The following TUBB1 variants were observed in gnomAD, a reference collection of about 807,000 sequenced individuals.
TUBB1 encodes the protein tubulin beta-1 chain.
In TUBB1, 28 loss-of-function variants were observed where a neutral mutation model predicts 22.6. That is an observed-to-expected ratio of 1.24 (90% CI 0.92 to 1.70). TUBB1 has a LOEUF of 1.70. Among genes scored for constraint, TUBB1 ranks in the 40% most tolerant of loss-of-function variants. TUBB1 has a pLI of 0.00. For missense variants in TUBB1, 577 were observed against 605.5 expected (o/e 0.95, Z 0.49); for synonymous variants, 226 against 238.0 (o/e 0.95, Z 0.46).
chr20:59,022,987 C>A, intron 2 of TUBB1, 34 bp downstream of exon 2: 1 of 1,565,666 alleles, frequency 6.4e-7, no homozygotes, highest in Non-Finnish European at 8.8e-7. Context: ...GCAGTGGTCC[C>A]GCAACTGGGA....
chr20:59,023,978 A>G lies in TUBB1; in HGVS notation c.551A>G (p.Asn184Ser), dbSNP rs906006978. 4 of 1,614,028 alleles carry G rather than the reference A, an allele frequency of 2.5e-6. No individual in the cohort carries two copies. Among genetic ancestry groups the G allele is most frequent in the East Asian group, 4.5e-5 (2 of 44,870 alleles). The change falls in exon 4 of 4, where the codon AAC becomes AGC. Residue 184 changes from asparagine (N) to serine (S), a missense_variant. Physicochemically the swap from Asn to Ser is conservative, Grantham distance 46. Transcript: ENST00000217133. Reference sequence around the variant, plus strand: ...TCGGACACTGTGGTGGAGCCCTACAACGCGGTTCTGTCTATCCACCAGCTG... The same window carrying G: ...TCGGACACTGTGGTGGAGCCCTACAGCGCGGTTCTGTCTATCCACCAGCTG... ...KVSDTVVEPY[N>S]AVLSIHQLIE...
chr20:59,024,641 T>TA lies in TUBB1; in HGVS notation c.1217dup (p.Asn406LysfsTer7). 1 of 1,614,200 alleles carries TA rather than the reference T, an allele frequency of 6.2e-7. No individual in the cohort carries two copies. The highest frequency in any genetic ancestry group is 1.3e-5 in the African/African-American group (1 of 75,048). On this transcript the variant is annotated frameshift_variant, in exon 4 of 4. Transcript: ENST00000217133. LOFTEE classifies it low-confidence loss of function (END_TRUNC). This position sits in a 1 kb window ranked among gnomAD's most constrained non-coding sequence, Gnocchi z 4.9. The stretch of plus-strand genomic sequence containing the variant: ...TGGTACACCAGCGAAGGGATGGACA[T>TA]AAACGAATTTGGGGAAGCTGAAAAT...
Position 59,022,896 on chromosome 20 carries a change from C to T in TUBB1, c.109C>T (p.Arg37Cys), listed in dbSNP as rs139603365. The part of the protein sequence containing the change: ...EHGIDLAGSD[R>C]GASALQLERI... ...CGGGATCGACTTGGCTGGGAGCGAC[C>T]GCGGGGCCTCGGCCTTGCAGCTGGA... The change falls in exon 2 of 4, where the codon CGC (arginine) becomes TGC (cysteine). Residue 37 changes from arginine to cysteine, a missense_variant. Coordinates refer to ENST00000217133, the MANE Select transcript of TUBB1 (RefSeq NM_030773.4). The T allele has an allele frequency of 1.0e-4, 168 of 1,613,986 alleles. No individual in the cohort carries two copies. Among genetic ancestry groups the T allele is most frequent in the African/African-American group, 3.5e-4 (26 of 74,954 alleles).
At position 59,019,504 on chromosome 20, in the gene TUBB1, A is replaced by C. The variant is rs2146372914; in HGVS notation, c.-19A>C. On this transcript the variant is annotated 5_prime_UTR_variant, in exon 1 of 4. Transcript: ENST00000217133. ...TCTGAGGATTCCGTGAAGATCTCAGACTTGGGCTCAGAGCAAGGATGCGTG... is the reference window on the plus strand; with the variant it reads ...TCTGAGGATTCCGTGAAGATCTCAGCCTTGGGCTCAGAGCAAGGATGCGTG... 6.2e-7 allele frequency: 1 copy of C among 1,613,816 alleles called. No homozygotes were observed. The highest frequency in any genetic ancestry group is 2.2e-5 in the East Asian group (1 of 44,848).
At chr20:59,018,135 C>T (rs1017399993), upstream of TUBB1, among the ~76,000 whole-genome samples, 2 of 152,346 alleles carry the variant, frequency 1.3e-5, no homozygotes, top group East Asian at 3.9e-4. Flanking sequence ...GGCTCTCACG[C>T]CTTCTCAGGG....
upstream of TUBB1, chr20:59,019,395 A>G: frequency 9.5e-7 from 1 of 1,047,932 alleles, no homozygotes. Context: ...TTGTGAGGGT[A>G]GCTTGGTTGG....
intron 1 of TUBB1, among the ~76,000 whole-genome samples, chr20:59,021,732 C>T (rs924137168): frequency 2.6e-5 from 4 of 152,204 alleles, no homozygotes; most frequent in Admixed American, 1.3e-4. Context: ...CAGTGGCTCA[C>T]GCCTGTGATC....
At position 59,024,978 on chromosome 20, in the gene TUBB1, T is replaced by C; in HGVS notation, c.*195T>C. On this transcript the variant is annotated 3_prime_UTR_variant, in exon 4 of 4. Coordinates refer to ENST00000217133, the MANE Select transcript of TUBB1 (RefSeq NM_030773.4). The surrounding 1 kb of genome is among the most constrained non-coding windows in gnomAD (Gnocchi z 4.9). The stretch of plus-strand genomic sequence containing the variant: ...AGGCATTAGGGTCTTTGCTGACATC[T>C]ACTAACCTTGAAGAGTTTGATGTTC... 1.6e-6 allele frequency: 1 copy of C among 637,296 alleles called. No homozygotes were observed. The highest frequency in any genetic ancestry group is 1.8e-5 in the South Asian group (1 of 56,086). The allele number at this position is 637,296 out of a possible 1,614,324, so 39.5% of individuals were successfully genotyped here.
intron 2 of TUBB1, 30 bp downstream of exon 2, chr20:59,022,983 G>C (rs760875575): frequency 2.5e-5 from 39 of 1,574,992 alleles, no homozygotes; most frequent in Non-Finnish European, 3.3e-5. Context: ...GGGAGCAGTG[G>C]TCCCGCAACT....
At chr20:59,022,008 T>TAAAC (rs113873196) in intron 1 of TUBB1, among the ~76,000 whole-genome samples, 3,924 of 149,352 alleles carry the variant, frequency 0.026, 160 homozygotes, top group African/African-American at 0.091. Context: ...AATAAATAAA[T>TAAAC]AAACAAACAA....
intron 1 of TUBB1, 90 bp from the exon 2 acceptor site, chr20:59,022,755 A>G (rs2091973317): frequency 1.7e-6 from 2 of 1,197,648 alleles, no homozygotes; most frequent in African/African-American, 1.5e-5. Context: ...AGGCAACCAG[A>G]GGGAAACAGG....
chr20:59,020,420 G>A (rs997252458), intron 1 of TUBB1, among the ~76,000 whole-genome samples: 1 of 152,264 alleles, frequency 6.6e-6, no homozygotes, highest in Non-Finnish European at 1.5e-5. Flanking sequence ...CTGACCTCAG[G>A]TGATGTGCCC....
At chr20:59,022,507 G>A (rs1476239469) in intron 1 of TUBB1, among the ~76,000 whole-genome samples, 1 of 152,196 alleles carries the variant, frequency 6.6e-6, no homozygotes, top group Non-Finnish European at 1.5e-5. Context: ...ATTATAAGGA[G>A]AAATTAGAGC....
Position 59,024,108 on chromosome 20 carries a change from C to G in TUBB1, c.681C>G (p.His227Gln). 6.2e-7 allele frequency: 1 copy of G among 1,614,222 alleles called. No homozygotes were observed. Among genetic ancestry groups the G allele is most frequent in the South Asian group, 1.1e-5 (1 of 91,088 alleles). Reference protein sequence around the residue: ...LTTPTYGDLNHLVSLTMSGIT... With the variant: ...LTTPTYGDLNQLVSLTMSGIT... ...CACCCACCTATGGGGATCTCAACCACCTAGTGTCCTTGACCATGAGCGGCA... is the reference window on the plus strand; with the variant it reads ...CACCCACCTATGGGGATCTCAACCAGCTAGTGTCCTTGACCATGAGCGGCA... Residue 227 changes from histidine to glutamine, a missense_variant, in exon 4 of 4, where the codon CAC becomes CAG. Physicochemically the swap from His to Gln is conservative, Grantham distance 24. Coordinates refer to ENST00000217133, the MANE Select transcript of TUBB1 (RefSeq NM_030773.4). The surrounding 1 kb of genome is among the most constrained non-coding windows in gnomAD (Gnocchi z 4.9).
chr20:59,023,372 G>A (rs2091977139), intron 2 of TUBB1, 118 bp from the exon 3 acceptor site: 1 of 892,092 alleles, frequency 1.1e-6, no homozygotes, highest in African/African-American at 1.6e-5. Flanking sequence ...ACCTACCAAG[G>A]GCCCCTTTCT....
At chr20:59,021,307 T>C (rs1203475786) in intron 1 of TUBB1, among the ~76,000 whole-genome samples, 1 of 152,208 alleles carries the variant, frequency 6.6e-6, no homozygotes, top group Non-Finnish European at 1.5e-5. Flanking sequence ...CATTTAGAGA[T>C]ATAAGAACTT....
At position 59,022,929 on chromosome 20, in the gene TUBB1, A is replaced by C; in HGVS notation, c.142A>C (p.Ser48Arg). The change falls in exon 2 of 4, where the codon AGC becomes CGC. Residue 48 changes from serine (S) to arginine (R), a missense_variant. Ser to Arg is a moderately radical substitution (Grantham distance 110). Transcript: ENST00000217133. ...CTCGGCCTTGCAGCTGGAGAGAATC[A>C]GCGTGTACTACAACGAAGCCTACGG... ...GASALQLERI[S>R]VYYNEAYGRK... The C allele has an allele frequency of 6.2e-7, 1 of 1,614,110 alleles. No homozygotes were observed. Among genetic ancestry groups the C allele is most frequent in the Non-Finnish European group, 8.5e-7 (1 of 1,180,016 alleles).
In TUBB1 at chr20:59,019,439, TG is replaced by T. The variant is rs1210778919; in HGVS notation, c.-81del. 1.3e-6 allele frequency: 2 copies of T among 1,520,200 alleles called. No homozygotes were observed. The highest frequency in any genetic ancestry group is 1.4e-5 in the African/African-American group (1 of 73,128). The allele number at this position is 1,520,200 out of a possible 1,614,324, so 94.2% of individuals were successfully genotyped here. On this transcript the variant is annotated 5_prime_UTR_variant, in exon 1 of 4. Transcript: ENST00000217133. ...ACCACTGCAGTGACCACAGTTGTGT[TG>T]GGCTCACACCAGTGAACCGAAGCTC...
chr20:59,024,920 G>A lies in TUBB1; in HGVS notation c.*137G>A. 1 of 794,716 alleles carries A rather than the reference G, an allele frequency of 1.3e-6. No individual in the cohort carries two copies. The highest frequency in any genetic ancestry group is 2.1e-6 in the Non-Finnish European group (1 of 467,684). The allele number at this position is 794,716 out of a possible 1,614,324, so 49.2% of individuals were successfully genotyped here. A position where few individuals can be genotyped will look rare whatever the true frequency, so the allele number is the denominator to read the frequency against. ...TGCACTCACCATTAGCTTCGACACA[G>A]GGACTGAGGGAGACAGGTGGGGAGC... On this transcript the variant is annotated 3_prime_UTR_variant, in exon 4 of 4. Coordinates refer to ENST00000217133, the MANE Select transcript of TUBB1 (RefSeq NM_030773.4). The surrounding 1 kb of genome is among the most constrained non-coding windows in gnomAD (Gnocchi z 4.9).
Sources: gnomAD v4.1 joint callset for allele counts (sites outside exome capture counted in the v4.1 genomes callset) on GRCh38, gnomAD v4.1.1 for gene constraint, Gnocchi (gnomAD v3.1) non-coding constraint, MANE v1.5 for transcripts, NCBI Gene and HGNC (gene_info 2026-07-23, HGNC 2026-07-21) for gene names.